The following AGBL1 variants were observed in gnomAD, a reference collection of about 807,000 sequenced individuals.
AGBL1 encodes the protein AGBL carboxypeptidase 1.
A neutral mutation model predicts 118.9 loss-of-function variants in AGBL1; 130 were observed. That is an observed-to-expected ratio of 1.09 (90% CI 0.95 to 1.26). The LOEUF (loss-of-function observed/expected upper bound fraction) is 1.26, where lower values mean the gene tolerates loss of function less well. Among genes scored for constraint, AGBL1 ranks in the 50% most tolerant of loss-of-function variants. AGBL1 has a pLI of 0.00. For missense variants in AGBL1, 1,584 were observed against 1,298.1 expected, an observed-to-expected ratio of 1.22 and a Z score of -3.38; for synonymous variants, 555 against 478.9, an observed-to-expected ratio of 1.16 and a Z score of -2.08.
intron 22 of AGBL1, among the ~76,000 whole-genome samples, chr15:86,705,910 T>C (rs1322963245): frequency 6.6e-6 from 1 of 152,120 alleles, no homozygotes; most frequent in African/African-American, 2.4e-5. Context: ...CATGGTGTTA[T>C]ATGTGGAGAA....
intron 18 of AGBL1, among the ~76,000 whole-genome samples, chr15:86,419,557 T>C (rs1398821896): frequency 6.6e-6 from 1 of 150,898 alleles, no homozygotes. Context: ...CTAAGCTAGC[T>C]GCAGGAGTTT....
At chr15:86,778,435 T>C (rs938169166) in intron 22 of AGBL1, among the ~76,000 whole-genome samples, 1 of 152,114 alleles carries the variant, frequency 6.6e-6, no homozygotes, top group African/African-American at 2.4e-5. Flanking sequence ...CTGCGGCTTA[T>C]TTCATCCCTA....
At chr15:86,361,200 A>G (rs1385390254) in intron 17 of AGBL1, among the ~76,000 whole-genome samples, 2 of 151,928 alleles carry the variant, frequency 1.3e-5, no homozygotes, top group Admixed American at 1.3e-4. Flanking sequence ...ACATTTTAAA[A>G]ATTTTTTTGG....
rs1360213607 is a variant in AGBL1, at chr15:86,215,217, A to ATGTGTGTGTGTGTG, written c.489-9694_489-9693insGTGTGTGTGTGTGT. Among the ~76,000 whole-genome samples the ATGTGTGTGTGTGTG allele has an allele frequency of 9.6e-4, 123 of 128,272 alleles. 1 individual carries two copies. The highest frequency in any genetic ancestry group is 6.9e-3 in the East Asian group (31 of 4,492). 84.2% of individuals were successfully genotyped at this position (128,272 alleles called of 152,430 possible). On this transcript the variant is annotated intron_variant, in intron 5 of 22. Transcript: ENST00000614907. ...GCTCTGTGTGTGTGTGTGAGTGTAT[A>ATGTGTGTGTGTGTG]TGTATGCGTGTGTGTGTGTGTGTGT...
At chr15:86,883,161 A>G (rs949904009) in intron 22 of AGBL1, among the ~76,000 whole-genome samples, 2 of 152,056 alleles carry the variant, frequency 1.3e-5, no homozygotes, top group African/African-American at 4.8e-5. Flanking sequence ...TGTTTTTTAA[A>G]TTAAACAGCT....
chr15:86,999,445 C>A (rs1356335848), intron 24 of AGBL1, among the ~76,000 whole-genome samples: 1 of 147,414 alleles, frequency 6.8e-6, no homozygotes, highest in East Asian at 2.0e-4. Context: ...CTGTTCAGTT[C>A]CCACCTATGA....
intron 22 of AGBL1, among the ~76,000 whole-genome samples, chr15:86,803,905 C>T (rs2078684427): frequency 6.6e-6 from 1 of 151,974 alleles, no homozygotes; most frequent in Non-Finnish European, 1.5e-5. Context: ...CAGGTCAGCC[C>T]CTCGCAATAA....
At chr15:86,730,202 C>CA (rs1432527677) in intron 22 of AGBL1, among the ~76,000 whole-genome samples, 1 of 151,834 alleles carries the variant, frequency 6.6e-6, no homozygotes, top group Admixed American at 6.6e-5. Context: ...TTGGCCTTGG[C>CA]AAAAAATTTA....
At chr15:86,222,954 A>G (rs2078302644) in intron 5 of AGBL1, among the ~76,000 whole-genome samples, 1 of 152,154 alleles carries the variant, frequency 6.6e-6, no homozygotes, top group African/African-American at 2.4e-5. Flanking sequence ...TAGAATAAAG[A>G]TTCTTATTCA....
rs376271687 is a variant in AGBL1 at position 86,914,627 on chromosome 15, C to G, written c.*7333C>G. The G allele has an allele frequency of 3.9e-5, 6 of 152,230 alleles. No homozygotes were observed. The highest frequency in any genetic ancestry group is 8.8e-5 in the Non-Finnish European group (6 of 68,008). The allele number at this position is 152,230 out of a possible 1,614,324, so 9.4% of individuals were successfully genotyped here. A position where few individuals can be genotyped will look rare whatever the true frequency, so the allele number is the denominator to read the frequency against. On this transcript the variant is annotated 3_prime_UTR_variant, in exon 23 of 23. Transcript: ENST00000614907. ...CATGTTTAAGCCTAAAACTTCAGCCCAACGAGCTAAACTCTGTTGTTATGC... is the reference window on the plus strand; with the variant it reads ...CATGTTTAAGCCTAAAACTTCAGCCGAACGAGCTAAACTCTGTTGTTATGC...
chr15:86,808,957 T>C (rs1388125079), intron 22 of AGBL1, among the ~76,000 whole-genome samples: 1 of 152,120 alleles, frequency 6.6e-6, no homozygotes, highest in Non-Finnish European at 1.5e-5. Flanking sequence ...TGATAGATAA[T>C]GTGTGAGATA....
intron 18 of AGBL1, among the ~76,000 whole-genome samples, chr15:86,450,959 T>C (rs1596130842): frequency 6.6e-6 from 1 of 152,216 alleles, no homozygotes; most frequent in Non-Finnish European, 1.5e-5. Context: ...TGATTTTTTT[T>C]CTTGGGGTTT....
At chr15:86,643,989 CTT>C (rs1043016007) in intron 21 of AGBL1, among the ~76,000 whole-genome samples, 3 of 152,032 alleles carry the variant, frequency 2.0e-5, no homozygotes, top group Non-Finnish European at 2.9e-5. Context: ...ATTTGGGTGA[CTT>C]ATTGCAGTTT....
intron 17 of AGBL1, among the ~76,000 whole-genome samples, chr15:86,338,586 C>T (rs7170124): frequency 6.6e-6 from 1 of 152,090 alleles, no homozygotes; most frequent in Non-Finnish European, 1.5e-5. Flanking sequence ...TAACTTTGAA[C>T]AGAACCACAA....
intron 5 of AGBL1, among the ~76,000 whole-genome samples, chr15:86,220,600 A>G (rs2078265436): frequency 6.6e-6 from 1 of 152,174 alleles, no homozygotes; most frequent in South Asian, 2.1e-4. Flanking sequence ...CTTTTTCTGA[A>G]AAGGAGAGTG....
rs542502743 is a variant in AGBL1 at position 86,986,151 on chromosome 15, T to C, written c.3222-1836T>C. On this transcript the variant is annotated intron_variant, in intron 23 of 24. Transcript: ENST00000441037. ...GTTGGCCAGGCTGGTCTCAAACTCCTGGCCTCAGGTGATCCACCCGCCTCG... is the reference window on the plus strand; with the variant it reads ...GTTGGCCAGGCTGGTCTCAAACTCCCGGCCTCAGGTGATCCACCCGCCTCG... 2.6e-5 allele frequency among the ~76,000 whole-genome samples: 4 copies of C among 152,312 alleles called. No homozygotes were observed. In the South Asian group the frequency reaches 8.3e-4, roughly 32 times the overall value.
intron 22 of AGBL1, among the ~76,000 whole-genome samples, chr15:86,776,860 G>A (rs1301922573): frequency 2.6e-5 from 4 of 151,122 alleles, no homozygotes; most frequent in African/African-American, 4.9e-5. Flanking sequence ...TTTTAGACAC[G>A]GGAGTATGTA....
At chr15:86,845,032 G>T (rs117742768) in intron 22 of AGBL1, among the ~76,000 whole-genome samples, 2,986 of 152,056 alleles carry the variant, frequency 0.02, 40 homozygotes, top group Non-Finnish European at 0.03. Flanking sequence ...TCTTTGATTG[G>T]TCTACACTTT....
At chr15:86,718,031 T>C (rs896172481) in intron 22 of AGBL1, among the ~76,000 whole-genome samples, 2 of 152,254 alleles carry the variant, frequency 1.3e-5, no homozygotes, top group East Asian at 1.9e-4. Context: ...TAAGCCAACA[T>C]TGTGCCACTG....
Sources: gnomAD v4.1 joint callset for allele counts (sites outside exome capture counted in the v4.1 genomes callset) on GRCh38, gnomAD v4.1.1 for gene constraint, MANE v1.5 for transcripts, NCBI Gene and HGNC (gene_info 2026-07-23, HGNC 2026-07-21) for gene names.